Variants in ANKS1B observed in about 807,000 individuals in gnomAD.
ANKS1B encodes the protein ankyrin repeat and sterile alpha motif domain containing 1B.
ANKS1B carries 36 observed loss-of-function variants against 148.3 expected under a neutral mutation model. That is an observed-to-expected ratio of 0.24 (90% CI 0.19 to 0.32). The LOEUF is 0.32. Among genes scored for constraint, ANKS1B ranks in the 10% least tolerant of loss-of-function variants. ANKS1B has a pLI of 1.00. For missense variants in ANKS1B, 1,157 were observed against 1,542.6 expected, an observed-to-expected ratio of 0.75 and a Z score of 4.19; for synonymous variants, 542 against 560.8, an observed-to-expected ratio of 0.97 and a Z score of 0.47.
chr12:98,797,799 T>A (rs989035248), intron 22 of ANKS1B, among the ~76,000 whole-genome samples: 1 of 152,202 alleles, frequency 6.6e-6, no homozygotes. Context: ...TGTAATTATA[T>A]GCTCTTAAAT....
At chr12:99,753,235 C>T (rs1054383233) in intron 8 of ANKS1B, among the ~76,000 whole-genome samples, 2 of 151,978 alleles carry the variant, frequency 1.3e-5, no homozygotes, top group Admixed American at 6.6e-5. Context: ...TGAACTACAC[C>T]TCATAAGATG....
chr12:99,975,153 C>CA (rs5800396), intron 1 of ANKS1B, among the ~76,000 whole-genome samples: 121,642 of 151,776 alleles, frequency 0.8, 49,432 homozygotes, highest in East Asian at 0.99. Context: ...AACTTGTCTC[C>CA]AAAAAAATGG....
intron 9 of ANKS1B, among the ~76,000 whole-genome samples, chr12:99,541,220 G>A (rs2097122782): frequency 2.0e-5 from 3 of 151,794 alleles, no homozygotes; most frequent in Admixed American, 2.0e-4. Context: ...CCTCACAAAT[G>A]CTTCTTTAAA....
intron 17 of ANKS1B, among the ~76,000 whole-genome samples, chr12:99,002,819 A>G (rs555382406): frequency 6.6e-6 from 1 of 151,862 alleles, no homozygotes; most frequent in South Asian, 2.1e-4. Flanking sequence ...TCCTTTGCTC[A>G]CAGAAGCGTT....
intron 9 of ANKS1B, among the ~76,000 whole-genome samples, chr12:99,579,017 C>T (rs1025992301): frequency 6.6e-6 from 1 of 151,970 alleles, no homozygotes; most frequent in Non-Finnish European, 1.5e-5. Context: ...ACCAACGGAA[C>T]AGATTAAAAA....
intron 24 of ANKS1B, among the ~76,000 whole-genome samples, chr12:98,778,466 C>A (rs930085087): frequency 6.6e-6 from 1 of 152,206 alleles, no homozygotes; most frequent in East Asian, 1.9e-4. Flanking sequence ...ATTAAAAGTT[C>A]TTTGCTTCAA....
At chr12:99,461,953 T>C (rs1406651396) in intron 10 of ANKS1B, among the ~76,000 whole-genome samples, 1 of 152,216 alleles carries the variant, frequency 6.6e-6, no homozygotes, top group Non-Finnish European at 1.5e-5. Flanking sequence ...CCCATCTCTA[T>C]CCTTTTATCC....
intron 8 of ANKS1B, among the ~76,000 whole-genome samples, chr12:99,662,872 T>C (rs1016583578): frequency 1.3e-5 from 2 of 152,034 alleles, no homozygotes; most frequent in African/African-American, 4.8e-5. Flanking sequence ...CCAAGAAGAA[T>C]AGAATTCTTG....
intron 25 of ANKS1B, among the ~76,000 whole-genome samples, chr12:98,759,984 TAAATAAATA>T (rs1471380556): frequency 8.0e-6 from 1 of 124,260 alleles, no homozygotes; most frequent in African/African-American, 2.6e-5. Context: ...CGTCTAAAAA[TAAATAAATA>T]AAATAAATAA....
intron 17 of ANKS1B, among the ~76,000 whole-genome samples, chr12:98,907,137 T>A (rs2099780402): frequency 6.6e-6 from 1 of 152,096 alleles, no homozygotes; most frequent in Non-Finnish European, 1.5e-5. Context: ...CATGCTATAT[T>A]ATTAGGTCTC....
At chr12:99,174,765 C>T (rs1432165173) in intron 14 of ANKS1B, among the ~76,000 whole-genome samples, 3 of 151,988 alleles carry the variant, frequency 2.0e-5, no homozygotes, top group Non-Finnish European at 4.4e-5. Context: ...TTTGGATATG[C>T]CCCTTTATAT....
chr12:99,607,146 G>C (rs2097856927), intron 9 of ANKS1B, among the ~76,000 whole-genome samples: 1 of 152,084 alleles, frequency 6.6e-6, no homozygotes, highest in African/African-American at 2.4e-5. Context: ...CCCTGTGGTT[G>C]ACTGGCAGCC....
intron 14 of ANKS1B, among the ~76,000 whole-genome samples, chr12:99,185,739 C>T (rs949634191): frequency 3.3e-5 from 5 of 152,220 alleles, no homozygotes; most frequent in African/African-American, 7.2e-5. Context: ...CCATGGTCTT[C>T]GCAACCTGCA....
chr12:99,509,155 T>G (rs10128891), intron 9 of ANKS1B, among the ~76,000 whole-genome samples: 32,824 of 151,546 alleles, frequency 0.22, 4,081 homozygotes, highest in African/African-American at 0.35. Context: ...GACCAGCCAT[T>G]CCCCTGTCTC....
chr12:98,882,087 T>C (rs1465525134), intron 17 of ANKS1B, among the ~76,000 whole-genome samples: 1 of 152,118 alleles, frequency 6.6e-6, no homozygotes, highest in Non-Finnish European at 1.5e-5. Context: ...TGTTTAAAAA[T>C]CTGTAACAAG....
intron 8 of ANKS1B, among the ~76,000 whole-genome samples, chr12:99,735,807 CAA>C (rs376398944): frequency 1.3e-4 from 14 of 108,896 alleles, no homozygotes; most frequent in East Asian, 2.3e-4. Context: ...GGACATATAC[CAA>C]AAAAAAAAAA....
At chr12:99,001,637 T>G (rs1206782755) in intron 17 of ANKS1B, among the ~76,000 whole-genome samples, 1 of 152,204 alleles carries the variant, frequency 6.6e-6, no homozygotes, top group Non-Finnish European at 1.5e-5. Flanking sequence ...TCTCACATAA[T>G]TACCATTTGT....
At chr12:99,428,772 A>G (rs2095310381) in intron 11 of ANKS1B, among the ~76,000 whole-genome samples, 1 of 152,180 alleles carries the variant, frequency 6.6e-6, no homozygotes, top group South Asian at 2.1e-4. Flanking sequence ...AAATCTTGGC[A>G]TTAAACTACC....
At chr12:99,294,148 A>T (rs192972459) in intron 12 of ANKS1B, among the ~76,000 whole-genome samples, 1 of 152,358 alleles carries the variant, frequency 6.6e-6, no homozygotes, top group East Asian at 1.9e-4. Context: ...TAGAACCACC[A>T]TATGTTCCAG....
Sources: allele counts gnomAD v4.1 joint callset (sites outside exome capture counted in the v4.1 genomes callset), GRCh38; gene constraint gnomAD v4.1.1; transcripts MANE v1.5; gene names NCBI Gene and HGNC (gene_info 2026-07-23, HGNC 2026-07-21).